Variants in MACROD1 observed in about 807,000 individuals in gnomAD.
MACROD1 encodes the protein mono-ADP ribosylhydrolase 1, also known as ADP-ribose glycohydrolase MACROD1.
In MACROD1, 31 loss-of-function variants were observed where a neutral mutation model predicts 41.4. The ratio of observed to expected loss-of-function variants is 0.75; its 90% CI spans 0.56 to 1.01. MACROD1 has a LOEUF of 1.01. Among genes scored for constraint, MACROD1 ranks in the 50% least tolerant of loss-of-function variants. The pLI, the probability that MACROD1 is intolerant of heterozygous loss-of-function variation, is 0.00. For missense variants in MACROD1, 473 were observed against 460.0 expected (o/e 1.03, Z -0.26); for synonymous variants, 252 against 203.4 (o/e 1.24, Z -2.03).
chr11:64,117,600 G>A (rs754355455), intron 3 of MACROD1: 9 of 1,613,544 alleles, frequency 5.6e-6, no homozygotes, highest in Non-Finnish European at 7.6e-6. Flanking sequence ...CCACGTGAAG[G>A]CCCTGACGGC....
chr11:64,117,568 A>G (rs1344924251), intron 3 of MACROD1: 1 of 1,607,832 alleles, frequency 6.2e-7, no homozygotes. Context: ...GCCACGGGTG[A>G]TGGCGCCAAG....
intron 4 of MACROD1, among the ~76,000 whole-genome samples, chr11:64,012,105 C>A (rs2134337249): frequency 6.6e-6 from 1 of 152,306 alleles, no homozygotes; most frequent in South Asian, 2.1e-4. Flanking sequence ...GACTCCGGGC[C>A]CACTTCCTCC....
rs1227474636 is a variant in MACROD1, at chr11:63,998,664, G to A, written c.*54C>T. ...CAGGCTTTGGCGACCTCTCAGAGCT[G>A]GGAGCGGGGTCCCGAAGGCGGGTCT... On this transcript the variant is annotated 3_prime_UTR_variant, in exon 11 of 11. Transcript: ENST00000255681. 1 of 1,334,368 alleles carries A rather than the reference G, an allele frequency of 7.5e-7. No homozygotes were observed. The highest frequency in any genetic ancestry group is 2.9e-5 in the East Asian group (1 of 34,488). The allele number at this position is 1,334,368 out of a possible 1,614,324, so 82.7% of individuals were successfully genotyped here. A position where few individuals can be genotyped will look rare whatever the true frequency, so the allele number is the denominator to read the frequency against.
At position 64,163,794 on chromosome 11, in the gene MACROD1, C is replaced by T. The variant is rs554742718; in HGVS notation, c.298+1903G>A. Among the ~76,000 whole-genome samples the T allele has an allele frequency of 1.6e-4, 25 of 152,288 alleles. 1 individual carries two copies. Among genetic ancestry groups the T allele is most frequent in the Admixed American group, 5.2e-4 (8 of 15,288 alleles). On this transcript the variant is annotated intron_variant, in intron 1 of 10. Coordinates refer to ENST00000255681, the MANE Select transcript of MACROD1 (RefSeq NM_014067.4). ...TTTGCTGTTTTACGCCACTAAGGTT[C>T]GGGGTGTTTTGTTACACAGAAATAG... is the stretch of plus-strand genomic sequence containing the variant.
intron 3 of MACROD1, among the ~76,000 whole-genome samples, chr11:64,041,720 G>A (rs1272284847): frequency 1.3e-5 from 2 of 152,292 alleles, no homozygotes; most frequent in African/African-American, 2.4e-5. Flanking sequence ...TCTCTCAAGC[G>A]ACATAGCATC....
In MACROD1 at chr11:63,999,707, C is replaced by A; in HGVS notation, c.721G>T (p.Ala241Ser). 1.9e-6 allele frequency: 3 copies of A among 1,608,986 alleles called. No individual in the cohort carries two copies. Among genetic ancestry groups the A allele is most frequent in the Non-Finnish European group, 2.5e-6 (3 of 1,179,322 alleles). ...CTCAGGTAGCAGCTGCGGAGCTCGG[C>A]AGCCTGACTGGCGCTGGGCTCCCCG... ...AYGEPSASQA[A>S]ELRSCYLSSL... Residue 241 changes from alanine (A) to serine (S), a missense_variant, in exon 6 of 11, where the codon GCC becomes TCC. Transcript: ENST00000255681.
At chr11:64,109,024 T>C (rs1232650358) in intron 3 of MACROD1, among the ~76,000 whole-genome samples, 1 of 152,124 alleles carries the variant, frequency 6.6e-6, no homozygotes, top group African/African-American at 2.4e-5. Flanking sequence ...CATGTACTTG[T>C]CTTTCCTACA....
At chr11:64,017,919 C>G (rs1218844190) in intron 3 of MACROD1, among the ~76,000 whole-genome samples, 4 of 152,258 alleles carry the variant, frequency 2.6e-5, no homozygotes, top group African/African-American at 9.6e-5. Context: ...ACCTGCTGTT[C>G]TGCAGTCCCC....
chr11:64,012,120 G>T (rs1306449707), intron 4 of MACROD1, among the ~76,000 whole-genome samples: 1 of 152,176 alleles, frequency 6.6e-6, no homozygotes, highest in East Asian at 1.9e-4. Context: ...TCCTCCAGGG[G>T]CACCCGCCCC....
At chr11:64,136,445 G>A (rs978084405) in intron 3 of MACROD1, among the ~76,000 whole-genome samples, 1 of 152,222 alleles carries the variant, frequency 6.6e-6, no homozygotes, top group Non-Finnish European at 1.5e-5. Context: ...TGGGCTGGGA[G>A]AGCTGCTGGA....
intron 5 of MACROD1, chr11:63,999,977 C>T: frequency 1.5e-6 from 1 of 663,622 alleles, no homozygotes; most frequent in Non-Finnish European, 2.5e-6. Flanking sequence ...TGTATGGGCC[C>T]GGCTGAGACC....
chr11:64,153,156 G>T (rs1294810707), intron 1 of MACROD1, among the ~76,000 whole-genome samples: 1 of 152,112 alleles, frequency 6.6e-6, no homozygotes, highest in African/African-American at 2.4e-5. Context: ...CCTTCCCTTG[G>T]GGGTGGCACC....
At chr11:64,143,704 AAAG>A (rs975601348) in intron 3 of MACROD1, among the ~76,000 whole-genome samples, 16 of 151,028 alleles carry the variant, frequency 1.1e-4, no homozygotes, top group African/African-American at 3.9e-4. Flanking sequence ...CAACCAAAAA[AAAG>A]AGAACAGAGA....
chr11:64,136,902 G>A lies in MACROD1; in HGVS notation c.517+14337C>T, dbSNP rs954857801. The stretch of plus-strand genomic sequence containing the variant: ...GATGGGGGGATGAGGAAGTGGGGGT[G>A]CCAGCCCCCGGGAGCAGCGGGGAGG... On this transcript the variant is annotated intron_variant, in intron 3 of 10. Transcript: ENST00000255681. Among the ~76,000 whole-genome samples, 11 of 152,194 alleles carry A rather than the reference G, an allele frequency of 7.2e-5. No homozygotes were observed. The East Asian group carries it at 2.1e-3, about 29-fold the overall frequency.
At chr11:64,056,329 G>A (rs1024922671) in intron 3 of MACROD1, among the ~76,000 whole-genome samples, 1 of 151,950 alleles carries the variant, frequency 6.6e-6, no homozygotes, top group Non-Finnish European at 1.5e-5. Flanking sequence ...TGCTCCTCCC[G>A]CTACCCCGCC....
intron 3 of MACROD1, among the ~76,000 whole-genome samples, chr11:64,132,747 G>A (rs554130419): frequency 3.3e-5 from 5 of 152,320 alleles, no homozygotes; most frequent in Admixed American, 2.0e-4. Flanking sequence ...CATAATTAGG[G>A]GGGATTTCCT....
chr11:64,039,021 G>T (rs1943435024), intron 3 of MACROD1, among the ~76,000 whole-genome samples: 2 of 152,186 alleles, frequency 1.3e-5, no homozygotes. Flanking sequence ...CTCGTTCACT[G>T]TGGGCCAAGG....
intron 3 of MACROD1, among the ~76,000 whole-genome samples, chr11:64,123,413 C>T (rs1945130200): frequency 6.6e-6 from 1 of 152,090 alleles, no homozygotes; most frequent in African/African-American, 2.4e-5. Context: ...AGCAAGTCTG[C>T]TAAATTGATT....
chr11:64,152,522 C>T (rs1051324757), intron 1 of MACROD1, 129 bp from the exon 2 acceptor site: 3 of 736,008 alleles, frequency 4.1e-6, no homozygotes, highest in Non-Finnish European at 7.3e-6. Flanking sequence ...TCTCTGGGCA[C>T]ACAGGGCAGG....
Sources: gnomAD v4.1 joint callset for allele counts (sites outside exome capture counted in the v4.1 genomes callset) on GRCh38, gnomAD v4.1.1 for gene constraint, MANE v1.5 for transcripts, NCBI Gene and HGNC (gene_info 2026-07-23, HGNC 2026-07-21) for gene names.